The following TAS2R1 variants were observed in gnomAD, a reference collection of about 807,000 sequenced individuals.
TAS2R1 encodes the protein taste receptor type 2 member 1.
For synonymous variants in TAS2R1, 141 were observed against 134.2 expected, an observed-to-expected ratio of 1.05 and a Z score of -0.35; for missense variants, 370 against 353.4, an observed-to-expected ratio of 1.05 and a Z score of -0.38.
At chr5:9,661,843 T>G (rs79838942) in intron 1 of TAS2R1, among the ~76,000 whole-genome samples, 20,627 of 152,208 alleles carry the variant, frequency 0.14, 1,738 homozygotes, top group South Asian at 0.19. Flanking sequence ...ATAAGCTAGT[T>G]TATGCTGCAT....
chr5:9,829,707 G>A, the TAS2R1 span, among the ~76,000 whole-genome samples: 3 of 152,140 alleles, frequency 2.0e-5, no homozygotes, highest in African/African-American at 4.8e-5. Flanking sequence ...AGGAGTGGCA[G>A]GGAACTGTCC....
At chr5:9,653,792 G>A (rs568964674) in intron 2 of TAS2R1, among the ~76,000 whole-genome samples, 13 of 151,918 alleles carry the variant, frequency 8.6e-5, no homozygotes, top group South Asian at 2.1e-4. Flanking sequence ...CTGAAAATTC[G>A]TTTCAAACTA....
At chr5:9,792,699 G>A in the TAS2R1 span, among the ~76,000 whole-genome samples, 5 of 152,050 alleles carry the variant, frequency 3.3e-5, no homozygotes, top group Admixed American at 1.3e-4. Context: ...ACATGGCAGC[G>A]ATCATTAATC....
rs1402003488 is a variant in TAS2R1, at chr5:9,641,563, G to C, written c.-80-11571C>G. On this transcript the variant is annotated intron_variant, in intron 2 of 2. Coordinates refer to the TAS2R1 transcript ENST00000506620. Reference sequence around the variant, plus strand: ...GTAGGTGTGCAGCATTCATGTGACTGCTAAACTAATGTCCCCTTTTGCTTC... The same window carrying C: ...GTAGGTGTGCAGCATTCATGTGACTCCTAAACTAATGTCCCCTTTTGCTTC... 4 of 152,208 alleles carry C rather than the reference G, an allele frequency of 2.6e-5. No homozygotes were observed. The South Asian group carries it at 6.2e-4, about 24-fold the overall frequency. The allele number at this position is 152,208 out of a possible 1,614,324, so 9.4% of individuals were successfully genotyped here.
the TAS2R1 span, among the ~76,000 whole-genome samples, chr5:9,837,722 A>G: frequency 6.6e-6 from 1 of 152,198 alleles, no homozygotes; most frequent in Non-Finnish European, 1.5e-5. Flanking sequence ...CCTTCTACAC[A>G]GGAACCGTCT....
chr5:9,665,537 G>A (rs1200025175), intron 1 of TAS2R1, among the ~76,000 whole-genome samples: 2 of 152,192 alleles, frequency 1.3e-5, no homozygotes, highest in Non-Finnish European at 2.9e-5. Flanking sequence ...TTTAGTCTTT[G>A]TACCATGTCC....
chr5:9,629,108 T>C lies in TAS2R1; in HGVS notation c.*25A>G. The C allele has an allele frequency of 1.3e-6, 2 of 1,524,284 alleles. No homozygotes were observed. Among genetic ancestry groups the C allele is most frequent in the Non-Finnish European group, 1.8e-6 (2 of 1,139,534 alleles). 94.4% of individuals were successfully genotyped at this position (1,524,284 alleles called of 1,614,324 possible). On this transcript the variant is annotated 3_prime_UTR_variant, in exon 1 of 1. Transcript: ENST00000382492. ...ATGGGTAAATCATTGAATCATGGGT[T>C]CTTTGAACTGATCCAACTTCTCTCT...
the TAS2R1 span, among the ~76,000 whole-genome samples, chr5:9,810,598 G>C: frequency 6.6e-6 from 1 of 152,114 alleles, no homozygotes; most frequent in Non-Finnish European, 1.5e-5. Context: ...TTTGAGATAA[G>C]GATGCACAAG....
chr5:9,827,960 T>G, the TAS2R1 span, among the ~76,000 whole-genome samples: 1 of 152,158 alleles, frequency 6.6e-6, no homozygotes, highest in Non-Finnish European at 1.5e-5. Context: ...TCTACGATAT[T>G]CCGCTTTGCT....
At chr5:9,873,547 T>C in the TAS2R1 span, among the ~76,000 whole-genome samples, 4 of 151,024 alleles carry the variant, frequency 2.6e-5, no homozygotes, top group African/African-American at 9.8e-5. Context: ...GAGTGGGAGA[T>C]TAGGAATAGA....
At chr5:9,882,373 A>C in the TAS2R1 span, among the ~76,000 whole-genome samples, 1 of 152,218 alleles carries the variant, frequency 6.6e-6, no homozygotes, top group Non-Finnish European at 1.5e-5. Context: ...CATGGCTGTA[A>C]TCCCAGCATT....
the TAS2R1 span, among the ~76,000 whole-genome samples, chr5:9,779,790 A>G: frequency 4.3e-3 from 649 of 152,370 alleles, 2 homozygotes; most frequent in Admixed American, 7.1e-3. Flanking sequence ...TGAAGTGAGT[A>G]TATATTGCTG....
chr5:9,821,466 T>A, the TAS2R1 span, among the ~76,000 whole-genome samples: 1 of 152,210 alleles, frequency 6.6e-6, no homozygotes, highest in South Asian at 2.1e-4. Flanking sequence ...AACTTTACAG[T>A]CATTATTTGG....
intron 1 of TAS2R1, among the ~76,000 whole-genome samples, chr5:9,698,337 G>T (rs1741401312): frequency 6.6e-6 from 1 of 152,138 alleles, no homozygotes; most frequent in Non-Finnish European, 1.5e-5. Context: ...TAGGTATTTT[G>T]TATTAATAGT....
chr5:9,699,097 G>A (rs1741423947), intron 1 of TAS2R1, among the ~76,000 whole-genome samples: 1 of 152,124 alleles, frequency 6.6e-6, no homozygotes. Context: ...AATGTCAGAT[G>A]GTACAATACA....
intron 2 of TAS2R1, among the ~76,000 whole-genome samples, chr5:9,657,096 A>C (rs532425422): frequency 2.2e-3 from 332 of 152,270 alleles, no homozygotes; most frequent in African/African-American, 7.6e-3. Flanking sequence ...TAAATATACA[A>C]TATATACAAT....
At chr5:9,671,532 A>G (rs1250731778) in intron 1 of TAS2R1, among the ~76,000 whole-genome samples, 2 of 152,198 alleles carry the variant, frequency 1.3e-5, no homozygotes, top group Admixed American at 1.3e-4. Flanking sequence ...ATGTAATCCC[A>G]TTCATGATAG....
chr5:9,723,832 T>C, the TAS2R1 span, among the ~76,000 whole-genome samples: 2 of 152,222 alleles, frequency 1.3e-5, no homozygotes, highest in Non-Finnish European at 2.9e-5. Flanking sequence ...CTCTTAGTCC[T>C]GGGAGGAGCT....
the TAS2R1 span, among the ~76,000 whole-genome samples, chr5:9,737,248 C>T: frequency 6.6e-6 from 1 of 152,146 alleles, no homozygotes. Context: ...TCTTGTTTCC[C>T]CATTCACAAT....
Sources: allele counts gnomAD v4.1 joint callset (sites outside exome capture counted in the v4.1 genomes callset), GRCh38; gene constraint gnomAD v4.1.1; transcripts MANE v1.5; gene names NCBI Gene and HGNC (gene_info 2026-07-23, HGNC 2026-07-21).